Variants in GALNT10 observed in about 807,000 individuals in gnomAD.
The protein encoded by GALNT10 is polypeptide N-acetylgalactosaminyltransferase 10.
A neutral mutation model predicts 75.0 loss-of-function variants in GALNT10; 41 were observed. The observed-to-expected ratio is 0.55, with a 90% CI of 0.43 to 0.71. The LOEUF is 0.71. Ranked by LOEUF, GALNT10 falls within the 30% of genes least tolerant of loss-of-function variation. The pLI is 0.00. For missense variants in GALNT10, 727 were observed against 818.5 expected, an observed-to-expected ratio of 0.89 and a Z score of 1.36; for synonymous variants, 302 against 313.0, an observed-to-expected ratio of 0.96 and a Z score of 0.37.
chr5:154,372,994 C>T (rs1208684302), intron 4 of GALNT10, among the ~76,000 whole-genome samples: 1 of 152,136 alleles, frequency 6.6e-6, no homozygotes, highest in Non-Finnish European at 1.5e-5. Flanking sequence ...AGGATAAAAA[C>T]AGTTCTGTGC....
At chr5:154,220,055 T>C (rs1272522677) in intron 1 of GALNT10, 1 of 152,216 alleles carries the variant, frequency 6.6e-6, no homozygotes, top group African/African-American at 2.4e-5. Context: ...TTCCTTTCCA[T>C]AGGAAGTGCT....
chr5:154,399,005 AC>A (rs1756104047), intron 7 of GALNT10, among the ~76,000 whole-genome samples: 1 of 152,188 alleles, frequency 6.6e-6, no homozygotes. Flanking sequence ...AGAGCCAGGT[AC>A]CAAGCTAAGA....
At chr5:154,367,629 C>T (rs1213151580) in intron 4 of GALNT10, among the ~76,000 whole-genome samples, 2 of 151,994 alleles carry the variant, frequency 1.3e-5, no homozygotes, top group Non-Finnish European at 2.9e-5. Context: ...CCGAGGTGGG[C>T]GGATCATGAG....
intron 1 of GALNT10, among the ~76,000 whole-genome samples, chr5:154,233,529 C>A (rs1753197473): frequency 6.6e-6 from 1 of 152,074 alleles, no homozygotes; most frequent in South Asian, 2.1e-4. Context: ...TGAAAAGAGA[C>A]CAAGGTGAGG....
intron 3 of GALNT10, among the ~76,000 whole-genome samples, chr5:154,320,801 C>T (rs1371531786): frequency 6.6e-6 from 1 of 152,118 alleles, no homozygotes; most frequent in Non-Finnish European, 1.5e-5. Flanking sequence ...TGAAGGAAGT[C>T]TGGAAGGTCC....
chr5:154,349,772 G>C (rs1755179660), intron 4 of GALNT10: 1 of 152,052 alleles, frequency 6.6e-6, no homozygotes, highest in Non-Finnish European at 1.5e-5. Flanking sequence ...GTGTTTATGA[G>C]TCAGTGGGAA....
At chr5:154,257,029 C>T (rs10074349) in intron 1 of GALNT10, among the ~76,000 whole-genome samples, 99,320 of 151,794 alleles carry the variant, frequency 0.65, 32,853 homozygotes, top group East Asian at 0.86. Context: ...AATCCCAGGA[C>T]TTTAGGAGGC....
At chr5:154,212,256 CT>C (rs1402336781) in intron 1 of GALNT10, among the ~76,000 whole-genome samples, 1 of 152,190 alleles carries the variant, frequency 6.6e-6, no homozygotes, top group Non-Finnish European at 1.5e-5. Context: ...CTGACACTGC[CT>C]TCATGGATGA....
At chr5:154,266,091 A>C (rs1753771385) in intron 1 of GALNT10, among the ~76,000 whole-genome samples, 1 of 152,220 alleles carries the variant, frequency 6.6e-6, no homozygotes, top group African/African-American at 2.4e-5. Context: ...ATTGTGGCAA[A>C]ATATATGTAA....
At chr5:154,396,534 G>T (rs981329544) in intron 7 of GALNT10, among the ~76,000 whole-genome samples, 2 of 152,170 alleles carry the variant, frequency 1.3e-5, no homozygotes, top group Admixed American at 6.5e-5. Flanking sequence ...TCTCAGATCT[G>T]CCTAGTTCTG....
chr5:154,311,672 T>G (rs968340458), intron 3 of GALNT10, among the ~76,000 whole-genome samples: 1 of 151,878 alleles, frequency 6.6e-6, no homozygotes, highest in African/African-American at 2.4e-5. Flanking sequence ...AGTGCAGTGA[T>G]GCAATCTCAG....
chr5:154,235,809 A>G (rs1245038740), intron 1 of GALNT10, among the ~76,000 whole-genome samples: 1 of 152,228 alleles, frequency 6.6e-6, no homozygotes, highest in Non-Finnish European at 1.5e-5. Context: ...AGAGCTGTTC[A>G]CATATGTAAT....
chr5:154,404,146 A>C lies in GALNT10; in HGVS notation c.1099A>C (p.Arg367=). The C allele has an allele frequency of 6.2e-7, 1 of 1,613,776 alleles. No individual in the cohort carries two copies. The highest frequency in any genetic ancestry group is 8.5e-7 in the Non-Finnish European group (1 of 1,179,770). The part of the protein sequence containing the change: ...GGRMEDIPCS[R]VGHIYRKYVP... ...CCGCATGGAGGACATCCCCTGCTCC[A>C]GGGTGGGCCATATCTACAGGAAGTA... Residue 367 remains arginine (R), a synonymous_variant, in exon 8 of 12, where the codon AGG becomes CGG. Transcript: ENST00000297107.
intron 5 of GALNT10, among the ~76,000 whole-genome samples, chr5:154,379,829 A>C (rs1450905636): frequency 1.3e-5 from 2 of 152,196 alleles, no homozygotes; most frequent in African/African-American, 4.8e-5. Flanking sequence ...TGAGGAACTC[A>C]AACTTCCTGG....
chr5:154,380,661 G>A (rs1738708044), intron 6 of GALNT10, 30 bp downstream of exon 6: 3 of 1,538,482 alleles, frequency 1.9e-6, no homozygotes, highest in South Asian at 2.3e-5. Flanking sequence ...GCTGGTCCCA[G>A]TGGCTACCCA....
chr5:154,406,298 A>G (rs998811806), intron 8 of GALNT10: 3 of 152,186 alleles, frequency 2.0e-5, no homozygotes, highest in Non-Finnish European at 4.4e-5. Flanking sequence ...TCTTTTACCT[A>G]TCTGTACTGA....
At chr5:154,284,637 A>G (rs1388698247) in intron 1 of GALNT10, among the ~76,000 whole-genome samples, 1 of 152,182 alleles carries the variant, frequency 6.6e-6, no homozygotes, top group African/African-American at 2.4e-5. Flanking sequence ...CTTTCCTGTG[A>G]TTGATCACAC....
Position 154,386,405 on chromosome 5 carries a change from G to A in GALNT10, c.1031G>A (p.Gly344Glu), listed in dbSNP as rs746044673. The A allele has an allele frequency of 6.2e-7, 1 of 1,612,630 alleles. No homozygotes were observed. The highest frequency in any genetic ancestry group is 1.1e-5 in the South Asian group (1 of 91,060). ...GACCCAGGCTTGGAGATCTGGGGAG[G>A]GGAGCAGTATGAAATCTCCTTCAAG... is the stretch of plus-strand genomic sequence containing the variant. ...GYDPGLEIWG[G>E]EQYEISFKVW... Residue 344 changes from glycine (G) to glutamate (E), a missense_variant, in exon 7 of 12, where the codon GGG (glycine) becomes GAG (glutamate). Transcript: ENST00000297107.
At chr5:154,294,971 T>G in intron 2 of GALNT10, 53 bp downstream of exon 2, 2 of 833,214 alleles carry the variant, frequency 2.4e-6, no homozygotes, top group Non-Finnish European at 4.2e-6. Flanking sequence ...CATATGCACA[T>G]ATGCTTGTGT....
Sources: allele counts gnomAD v4.1 joint callset (sites outside exome capture counted in the v4.1 genomes callset), GRCh38; gene constraint gnomAD v4.1.1; transcripts MANE v1.5; gene names NCBI Gene and HGNC (gene_info 2026-07-23, HGNC 2026-07-21).